The following AP3S1 variants were observed in gnomAD, a reference collection of about 807,000 sequenced individuals.
AP3S1 encodes adaptor related protein complex 3 subunit sigma 1.
AP3S1 carries 12 observed loss-of-function variants against 21.3 expected under a neutral mutation model. That is an observed-to-expected ratio of 0.56 (90% CI 0.36 to 0.91). AP3S1 has a LOEUF of 0.91. Among genes scored for constraint, AP3S1 ranks in the 40% least tolerant of loss-of-function variants. AP3S1 has a pLI of 0.01. For missense variants in AP3S1, 116 were observed against 225.0 expected (o/e 0.52, Z 3.10); for synonymous variants, 48 against 78.4 (o/e 0.61, Z 2.05).
chr5:115,843,440 G>C (rs960889243), intron 1 of AP3S1, among the ~76,000 whole-genome samples: 12 of 152,258 alleles, frequency 7.9e-5, no homozygotes, highest in African/African-American at 2.9e-4. Context: ...TGCTACTCGT[G>C]TGTGGTTTTA....
intron 3 of AP3S1, among the ~76,000 whole-genome samples, chr5:115,878,501 G>T (rs1748952159): frequency 6.6e-6 from 1 of 152,118 alleles, no homozygotes; most frequent in Admixed American, 6.6e-5. Flanking sequence ...AAGGTCAGAT[G>T]GTTGTAGATG....
At chr5:115,897,416 T>C (rs1031412164) in intron 4 of AP3S1, among the ~76,000 whole-genome samples, 1 of 152,194 alleles carries the variant, frequency 6.6e-6, no homozygotes, top group South Asian at 2.1e-4. Flanking sequence ...TTCCTTTCTA[T>C]TCGCCAAGAC....
chr5:115,913,069 G>A lies in AP3S1; in HGVS notation c.454-293G>A, dbSNP rs371383178. On this transcript the variant is annotated intron_variant, in intron 5 of 5. Transcript: ENST00000316788. The stretch of plus-strand genomic sequence containing the variant: ...ATCTGTCAGTTAAATCAAGATATAG[G>A]TGAAGATTTAGGTTTTATCATGTGA... Among the ~76,000 whole-genome samples, 107 of 152,250 alleles carry A rather than the reference G, an allele frequency of 7.0e-4. 3 individuals carry two copies. The South Asian group carries it at 0.022, about 31-fold the overall frequency.
intron 1 of AP3S1, among the ~76,000 whole-genome samples, chr5:115,848,409 T>C (rs1196041521): frequency 3.3e-5 from 5 of 152,214 alleles, no homozygotes; most frequent in East Asian, 1.9e-4. Flanking sequence ...TTAAGATAAC[T>C]GAATATGTTA....
chr5:115,851,369 A>G (rs1762428317), intron 1 of AP3S1, among the ~76,000 whole-genome samples: 1 of 152,114 alleles, frequency 6.6e-6, no homozygotes, highest in Admixed American at 6.5e-5. Flanking sequence ...ATTATATGGT[A>G]ATTTTATGTT....
chr5:115,861,295 A>G (rs1763161710), intron 1 of AP3S1, among the ~76,000 whole-genome samples: 1 of 152,176 alleles, frequency 6.6e-6, no homozygotes, highest in African/African-American at 2.4e-5. Flanking sequence ...GGTGAATGGT[A>G]AGAAGTTCAA....
chr5:115,892,138 G>A (rs1204112250), intron 3 of AP3S1, among the ~76,000 whole-genome samples: 1 of 152,118 alleles, frequency 6.6e-6, no homozygotes, highest in African/African-American at 2.4e-5. Context: ...AGTTAAAATG[G>A]CTTATTTGCA....
chr5:115,875,827 T>C (rs1436493713), intron 3 of AP3S1, among the ~76,000 whole-genome samples: 2 of 152,176 alleles, frequency 1.3e-5, no homozygotes, highest in African/African-American at 4.8e-5. Context: ...TTTAAAATAG[T>C]TTGGGTCAGA....
chr5:115,866,591 A>G (rs1269313981), intron 1 of AP3S1, 79 bp from the exon 2 acceptor site: 3 of 960,226 alleles, frequency 3.1e-6, no homozygotes, highest in East Asian at 2.9e-5. Context: ...AGATATTGCT[A>G]CCTTTGATTT....
chr5:115,864,619 A>C (rs1763468290), intron 1 of AP3S1, among the ~76,000 whole-genome samples: 1 of 152,212 alleles, frequency 6.6e-6, no homozygotes, highest in African/African-American at 2.4e-5. Flanking sequence ...GCTGAAGAAA[A>C]CCGTGTCTAT....
chr5:115,907,090 C>T (rs538528777), intron 5 of AP3S1: 16 of 795,986 alleles, frequency 2.0e-5, no homozygotes, highest in Non-Finnish European at 2.1e-5. Context: ...GTTTTGTCTG[C>T]CTGCATTGTA....
intron 4 of AP3S1, among the ~76,000 whole-genome samples, chr5:115,896,555 G>A (rs775656399): frequency 2.0e-5 from 3 of 152,198 alleles, no homozygotes; most frequent in Non-Finnish European, 2.9e-5. Context: ...GAGGCCGGAG[G>A]ATTGCTTGAG....
chr5:115,872,738 A>AGG (rs1561494374), intron 3 of AP3S1, among the ~76,000 whole-genome samples: 1 of 142,452 alleles, frequency 7.0e-6, no homozygotes, highest in Non-Finnish European at 1.6e-5. Context: ...GATGACATTG[A>AGG]AGGGTTGATC....
chr5:115,865,644 A>G (rs754440162), intron 1 of AP3S1, among the ~76,000 whole-genome samples: 1 of 152,162 alleles, frequency 6.6e-6, no homozygotes, highest in East Asian at 1.9e-4. Flanking sequence ...GATATGGTAC[A>G]TGTGGAGCTA....
chr5:115,878,822 T>C (rs1049139832), intron 3 of AP3S1, among the ~76,000 whole-genome samples: 5 of 152,178 alleles, frequency 3.3e-5, no homozygotes, highest in African/African-American at 9.6e-5. Flanking sequence ...ATTCTTCCTA[T>C]CCATGAGCAT....
At chr5:115,877,449 G>A (rs1748829993) in intron 3 of AP3S1, among the ~76,000 whole-genome samples, 1 of 152,146 alleles carries the variant, frequency 6.6e-6, no homozygotes, top group African/African-American at 2.4e-5. Flanking sequence ...AGAACATGCA[G>A]TGTTTGGTTT....
intron 1 of AP3S1, among the ~76,000 whole-genome samples, chr5:115,850,502 T>C (rs1762366404): frequency 6.6e-6 from 1 of 152,200 alleles, no homozygotes; most frequent in Admixed American, 6.5e-5. Flanking sequence ...TCTTACACAT[T>C]AAACACTAAC....
chr5:115,898,067 G>A lies in AP3S1; in HGVS notation c.345+2909G>A, dbSNP rs1013715736. Among the ~76,000 whole-genome samples, 4 of 152,132 alleles carry A rather than the reference G, an allele frequency of 2.6e-5. No individual in the cohort carries two copies. In the South Asian group the frequency reaches 6.2e-4, roughly 24 times the overall value. ...CAAAAAAGGGTTATTTCCCATTCACGCAGTATGTTTATCATATTCCACATG... is the reference window on the plus strand; with the variant it reads ...CAAAAAAGGGTTATTTCCCATTCACACAGTATGTTTATCATATTCCACATG... On this transcript the variant is annotated intron_variant, in intron 4 of 5. Coordinates refer to ENST00000316788, the MANE Select transcript of AP3S1 (RefSeq NM_001284.4).
chr5:115,857,698 C>G (rs577265039), intron 1 of AP3S1, among the ~76,000 whole-genome samples: 72 of 152,198 alleles, frequency 4.7e-4, no homozygotes, highest in African/African-American at 1.7e-3. Context: ...TGTTTTACTG[C>G]CTGATTTATT....
Sources: allele counts gnomAD v4.1 joint callset (sites outside exome capture counted in the v4.1 genomes callset), GRCh38; gene constraint gnomAD v4.1.1; transcripts MANE v1.5; gene names NCBI Gene and HGNC (gene_info 2026-07-23, HGNC 2026-07-21).